Variants in CARNS1 observed in about 807,000 individuals in gnomAD.
CARNS1 encodes the protein ATP-grasp domain containing 1.
A neutral mutation model predicts 74.0 loss-of-function variants in CARNS1; 61 were observed. The observed-to-expected ratio is 0.82, with a 90% CI of 0.67 to 1.02. The LOEUF (loss-of-function observed/expected upper bound fraction) is 1.02. Among genes scored for constraint, CARNS1 ranks in the 50% least tolerant of loss-of-function variants. The pLI, the probability that CARNS1 is intolerant of heterozygous loss-of-function variation, is 0.00. For synonymous variants in CARNS1, 568 were observed against 605.5 expected (o/e 0.94, Z 0.91); for missense variants, 1,278 against 1,308.4 (o/e 0.98, Z 0.36).
Position 67,420,742 on chromosome 11 carries a change from AG to A in CARNS1, c.1249del (p.Ala417ArgfsTer17), listed in dbSNP as rs1863673168. 1 of 1,251,436 alleles carries A rather than the reference AG, an allele frequency of 8.0e-7. No individual in the cohort carries two copies. Among genetic ancestry groups the A allele is most frequent in the South Asian group, 3.5e-5 (1 of 28,698 alleles). 77.5% of individuals were successfully genotyped at this position (1,251,436 alleles called of 1,614,324 possible). ...GTGGCGGCTGTGCGGCAGCGCGTCA[AG>A]GCGGCGGCCGAGGCCGCGCTGGCCG... ...AQVAAVRQRV[K>X]AAAEAALAAV... On this transcript the variant is annotated frameshift_variant, in exon 8 of 10. Transcript: ENST00000687366. LOFTEE classifies it high-confidence loss of function.
Position 67,419,109 on chromosome 11 carries a change from G to C in CARNS1, c.718G>C (p.Gly240Arg). Residue 240 changes from glycine to arginine, a missense_variant, in exon 5 of 10, where the codon GGG (glycine) becomes CGG (arginine). Physicochemically the swap from Gly to Arg is moderately radical, Grantham distance 125. This residue lies in a region of CARNS1 where 1,164 missense variants were observed against 1,156.5 expected (regional missense o/e 1.01). Transcript: ENST00000687366. ...ATLAFTYKPP[G>R]LLRGGDASLG... Reference sequence around the variant, plus strand: ...CCTGGCTTTCACCTACAAGCCGCCGGGGCTGCTGCGGGGAGGGGATGCCAG... The same window carrying C: ...CCTGGCTTTCACCTACAAGCCGCCGCGGCTGCTGCGGGGAGGGGATGCCAG... The C allele has an allele frequency of 6.4e-7, 1 of 1,571,940 alleles. No individual in the cohort carries two copies. Among genetic ancestry groups the C allele is most frequent in the South Asian group, 1.2e-5 (1 of 85,892 alleles).
Position 67,419,011 on chromosome 11 carries a change from C to A in CARNS1, c.620C>A (p.Ala207Asp). The A allele has an allele frequency of 1.2e-5, 19 of 1,559,528 alleles. No individual in the cohort carries two copies. The highest frequency in any genetic ancestry group is 1.6e-5 in the Non-Finnish European group (19 of 1,152,758). ...CCCACAGGAGCTTCGGCTGAGCTGG[C>A]CCGGCTGCTGGAGGACCGGCTGCTG... is the stretch of plus-strand genomic sequence containing the variant. ...TCPTGASAEL[A>D]RLLEDRLLTR... The change falls in exon 5 of 10, where the codon GCC becomes GAC. Residue 207 changes from alanine (A) to aspartate (D), a missense_variant. This residue lies in a region of CARNS1 where 1,164 missense variants were observed against 1,156.5 expected (regional missense o/e 1.01). Coordinates refer to ENST00000687366, the MANE Select transcript of CARNS1 (RefSeq NM_001166222.2).
chr11:67,424,229 G>A lies in CARNS1; in HGVS notation c.2481G>A (p.Leu827=). ...GCTTCTACCTGCGTGATTGGATCCT[G>A]GAGCTCTATGGTGTTGACCTGCTGC... ...MGGFYLRDWI[L]ELYGVDLLLA... is the part of the protein sequence containing the mutation. Residue 827 remains leucine, a synonymous_variant, in exon 10 of 10, where the codon CTG becomes CTA. Coordinates refer to ENST00000687366, the MANE Select transcript of CARNS1 (RefSeq NM_001166222.2). 1 of 1,613,692 alleles carries A rather than the reference G, an allele frequency of 6.2e-7. No homozygotes were observed. The highest frequency in any genetic ancestry group is 8.5e-7 in the Non-Finnish European group (1 of 1,179,874).
At position 67,417,441 on chromosome 11, in the gene CARNS1, G is replaced by A. The variant is rs944217073; in HGVS notation, c.38G>A (p.Cys13Tyr). 16 of 1,423,772 alleles carry A rather than the reference G, an allele frequency of 1.1e-5. No individual in the cohort carries two copies. Among genetic ancestry groups the A allele is most frequent in the Non-Finnish European group, 1.4e-5 (15 of 1,089,610 alleles). 88.2% of individuals were successfully genotyped at this position (1,423,772 alleles called of 1,614,324 possible). Residue 13 changes from cysteine (C) to tyrosine (Y), a missense_variant, in exon 3 of 10, where the codon TGC (cysteine) becomes TAC (tyrosine). Coordinates refer to ENST00000687366, the MANE Select transcript of CARNS1 (RefSeq NM_001166222.2). ...SLDPSGPEWD[C>Y]PLGSKDLEEE... ...GATCCATCGGGTCCCGAGTGGGATTGCCCACTGGGCTCCAAGGACCTGGAG... is the reference window on the plus strand; with the variant it reads ...GATCCATCGGGTCCCGAGTGGGATTACCCACTGGGCTCCAAGGACCTGGAG...
In CARNS1 at chr11:67,418,794, A is replaced by C; in HGVS notation, c.403A>C (p.Lys135Gln). ...TTGCCTGTCCCCTGCTTGGCTGATG[A>C]AGGTGCCAGCACCCGGGCAGCCGGG... ...LLCLSPAWLM[K>Q]VPAPGQPGEA... The change falls in exon 5 of 10, where the codon AAG (lysine) becomes CAG (glutamine). Residue 135 changes from lysine (K) to glutamine (Q), a missense_variant. Lys to Gln is a moderately conservative substitution (Grantham distance 53). Around this residue, in one of 3 missense-constraint regions of CARNS1, gnomAD observed 1,164 missense variants for 1,156.5 expected, o/e 1.01. Coordinates refer to ENST00000687366, the MANE Select transcript of CARNS1 (RefSeq NM_001166222.2). The C allele has an allele frequency of 6.2e-7, 1 of 1,600,712 alleles. No individual in the cohort carries two copies. The highest frequency in any genetic ancestry group is 1.7e-5 in the Admixed American group (1 of 57,970).
intron 9 of CARNS1, among the ~76,000 whole-genome samples, chr11:67,421,943 A>T (rs1863716492): frequency 6.6e-6 from 1 of 150,786 alleles, no homozygotes; most frequent in Admixed American, 6.6e-5. Context: ...GGCTGGGTGC[A>T]GTGGCGTGAT....
At position 67,424,879 on chromosome 11, in the gene CARNS1, A is replaced by G. The variant is rs1590964890; in HGVS notation, c.*278A>G. 1.1e-5 allele frequency: 7 copies of G among 629,748 alleles called. No homozygotes were observed. The East Asian group carries it at 2.3e-4, about 21-fold the overall frequency. The allele number at this position is 629,748 out of a possible 1,614,324, so 39.0% of individuals were successfully genotyped here. On this transcript the variant is annotated 3_prime_UTR_variant, in exon 10 of 10. Transcript: ENST00000687366. ...ACAATGGCCACACACACACACACAC[A>G]CACACACACACACCTCTGACGCCAG... is the stretch of plus-strand genomic sequence containing the variant.
rs1863748538 is a variant in CARNS1 at position 67,423,229 on chromosome 11, A to G, written c.1627-146A>G. ...TGTCCCACTTCTGCCCCTTCCATTT[A>G]TTCAGTCAATCCACAACACACATTT... is the stretch of plus-strand genomic sequence containing the variant. On this transcript the variant is annotated intron_variant, in intron 9 of 9. Coordinates refer to ENST00000687366, the MANE Select transcript of CARNS1 (RefSeq NM_001166222.2). The surrounding 1 kb of genome is among the most constrained non-coding windows in gnomAD (Gnocchi z 5.1). 1.2e-6 allele frequency: 1 copy of G among 821,436 alleles called. No homozygotes were observed. The highest frequency in any genetic ancestry group is 3.0e-5 in the Admixed American group (1 of 33,590). The allele number at this position is 821,436 out of a possible 1,614,324, so 50.9% of individuals were successfully genotyped here. A position where few individuals can be genotyped will look rare whatever the true frequency, so the allele number is the denominator to read the frequency against.
At chr11:67,416,640 G>A in intron 2 of CARNS1, 20 of 1,001,018 alleles carry the variant, frequency 2.0e-5, no homozygotes, top group Non-Finnish European at 2.3e-5. Context: ...TGCTCAAGGT[G>A]GCCGAGCCTG....
In CARNS1 at chr11:67,419,639, ACCTGCCCAGCTGC is replaced by A. The variant is rs756131332; in HGVS notation, c.1011_1023del (p.Leu339MetfsTer27). ...GTGTCCTGGTGGAGGCTGTGTACCC[ACCTGCCCAGCTGC>A]CCTGCTCAGGTGAGAGCCACCTGGG... On this transcript the variant is annotated frameshift_variant, in exon 6 of 10. Transcript: ENST00000687366. LOFTEE classifies it high-confidence loss of function. 2 of 1,598,068 alleles carry A rather than the reference ACCTGCCCAGCTGC, an allele frequency of 1.3e-6. No individual in the cohort carries two copies. Among genetic ancestry groups the A allele is most frequent in the Non-Finnish European group, 1.7e-6 (2 of 1,173,460 alleles).
intron 6 of CARNS1, 36 bp downstream of exon 6, chr11:67,419,697 T>C: frequency 6.3e-7 from 1 of 1,588,278 alleles, no homozygotes; most frequent in Admixed American, 1.8e-5. Flanking sequence ...GATGGGAGTT[T>C]GGTGTGGCCT....
Position 67,424,422 on chromosome 11 carries a change from C to G in CARNS1, c.2674C>G (p.Arg892Gly). ...GGCCCTGCACGACCGTGGACTGCTA[C>G]GCCTCAATCTGCTGGAGGAGGCCCT... ...LQALHDRGLL[R>G]LNLLEEALVP... Residue 892 changes from arginine to glycine, a missense_variant, in exon 10 of 10, where the codon CGC becomes GGC. Transcript: ENST00000687366. 5 of 1,588,794 alleles carry G rather than the reference C, an allele frequency of 3.1e-6. No homozygotes were observed. Among genetic ancestry groups the G allele is most frequent in the Non-Finnish European group, 4.3e-6 (5 of 1,168,200 alleles).
chr11:67,416,346 C>T (rs913712578), intron 2 of CARNS1, 144 bp downstream of exon 2: 7 of 1,472,414 alleles, frequency 4.8e-6, no homozygotes, highest in Non-Finnish European at 6.3e-6. Flanking sequence ...TCCCCCACCC[C>T]CACCCTGCGG....
At position 67,424,700 on chromosome 11, in the gene CARNS1, C is replaced by T; in HGVS notation, c.*99C>T. 1 of 1,314,102 alleles carries T rather than the reference C, an allele frequency of 7.6e-7. No individual in the cohort carries two copies. 81.4% of individuals were successfully genotyped at this position (1,314,102 alleles called of 1,614,324 possible). On this transcript the variant is annotated 3_prime_UTR_variant, in exon 10 of 10. Transcript: ENST00000687366. ...CTGCTTCTCTCCCCATCACCATGCC[C>T]CAGCCCCAGCCTGGCCCGCTGCAAT...
rs1451307229 is a variant in CARNS1, at chr11:67,424,686, C to A, written c.*85C>A. On this transcript the variant is annotated 3_prime_UTR_variant, in exon 10 of 10. Transcript: ENST00000687366. The stretch of plus-strand genomic sequence containing the variant: ...CCCTGGAGCTCTTCCTGCTTCTCTC[C>A]CCATCACCATGCCCCAGCCCCAGCC... 1.3e-5 allele frequency: 18 copies of A among 1,392,176 alleles called. No individual in the cohort carries two copies. The highest frequency in any genetic ancestry group is 1.6e-5 in the Non-Finnish European group (17 of 1,043,724). The allele number at this position is 1,392,176 out of a possible 1,614,324, so 86.2% of individuals were successfully genotyped here. A position where few individuals can be genotyped will look rare whatever the true frequency, so the allele number is the denominator to read the frequency against.
At position 67,418,961 on chromosome 11, in the gene CARNS1, A is replaced by G; in HGVS notation, c.570A>G (p.Ala190=). The G allele has an allele frequency of 3.2e-6, 5 of 1,571,306 alleles. No homozygotes were observed. The highest frequency in any genetic ancestry group is 4.3e-6 in the Non-Finnish European group (5 of 1,158,692). ...GLGPGRGREA[A]ELARDLTCPT... ...GGCCTGGCCGGGGCCGAGAGGCAGC[A>G]GAACTCGCCCGTGACCTGACCTGCC... Residue 190 remains alanine (A), a synonymous_variant, in exon 5 of 10, where the codon GCA becomes GCG. Transcript: ENST00000687366.
In CARNS1 at chr11:67,420,865, G is replaced by A. The variant is rs1038296200; in HGVS notation, c.1345+25G>A. On this transcript the variant is annotated intron_variant, in intron 8 of 9. Coordinates refer to ENST00000687366, the MANE Select transcript of CARNS1 (RefSeq NM_001166222.2). ...GGTGAGTGAGGGCGGCCGGGGCCGG[G>A]GCCGGGAGCCGAGGGCCAGGGGCTG... The A allele has an allele frequency of 3.9e-6, 5 of 1,271,560 alleles. No individual in the cohort carries two copies. In the African/African-American group the frequency reaches 4.7e-5, roughly 12 times the overall value. The allele number at this position is 1,271,560 out of a possible 1,614,324, so 78.8% of individuals were successfully genotyped here.
chr11:67,421,633 A>G (rs1396531391), intron 9 of CARNS1, among the ~76,000 whole-genome samples: 3 of 152,190 alleles, frequency 2.0e-5, no homozygotes, highest in African/African-American at 7.2e-5. Context: ...CAGGACCCGC[A>G]GAGGGTGCTG....
chr11:67,424,947 A>G lies in CARNS1; in HGVS notation c.*346A>G, dbSNP rs1863797599. The G allele has an allele frequency of 3.7e-6, 2 of 544,098 alleles. No individual in the cohort carries two copies. The highest frequency in any genetic ancestry group is 4.5e-5 in the Admixed American group (2 of 44,592). The allele number at this position is 544,098 out of a possible 1,614,324, so 33.7% of individuals were successfully genotyped here. The stretch of plus-strand genomic sequence containing the variant: ...GGCCCAAACCCAGCCCCTCCTGTCC[A>G]CCTCTCCAGGTCTCACTCTCTTCCT... On this transcript the variant is annotated 3_prime_UTR_variant, in exon 10 of 10. Transcript: ENST00000687366.
Sources: allele counts gnomAD v4.1 joint callset (sites outside exome capture counted in the v4.1 genomes callset), GRCh38; gene constraint gnomAD v4.1.1; regional missense constraint gnomAD v4.1.1; non-coding constraint Gnocchi (gnomAD v3.1); transcripts MANE v1.5; gene names NCBI Gene and HGNC (gene_info 2026-07-23, HGNC 2026-07-21).